Variants in PHC2 observed in about 807,000 individuals in gnomAD.
PHC2 encodes polyhomeotic-like protein 2.
Under a neutral mutation model 87.4 loss-of-function variants are expected in PHC2, and 29 were observed. The ratio of observed to expected loss-of-function variants is 0.33; its 90% CI spans 0.25 to 0.45. The LOEUF is 0.45. Among genes scored for constraint, PHC2 ranks in the 20% least tolerant of loss-of-function variants. The pLI is 1.00. For missense variants in PHC2, 857 were observed against 1,136.7 expected, an observed-to-expected ratio of 0.75 and a Z score of 3.54; for synonymous variants, 438 against 461.7, an observed-to-expected ratio of 0.95 and a Z score of 0.66.
intron 1 of PHC2, among the ~76,000 whole-genome samples, chr1:33,413,015 G>A (rs890486343): frequency 5.9e-5 from 9 of 152,242 alleles, no homozygotes; most frequent in Admixed American, 1.3e-4. Context: ...CACCCAGGCT[G>A]GAGTGCAGTG....
chr1:33,363,018 C>A (rs1350859461), intron 7 of PHC2: 1 of 152,200 alleles, frequency 6.6e-6, no homozygotes, highest in Non-Finnish European at 1.5e-5. Flanking sequence ...GCATTTAGTG[C>A]AGTATGTGGA....
chr1:33,390,172 C>T (rs1367351071), intron 1 of PHC2, among the ~76,000 whole-genome samples: 3 of 152,126 alleles, frequency 2.0e-5, no homozygotes, highest in East Asian at 1.9e-4. Flanking sequence ...AGGTGGAATT[C>T]GTGCAGCATC....
chr1:33,326,337 A>G (rs750943588), intron 14 of PHC2: 2 of 159,958 alleles, frequency 1.3e-5, no homozygotes, highest in Non-Finnish European at 2.8e-5. Flanking sequence ...CACGGTCTAC[A>G]GATTAAACTT....
At chr1:33,412,604 CA>C (rs1650028319) in intron 1 of PHC2, among the ~76,000 whole-genome samples, 1 of 152,198 alleles carries the variant, frequency 6.6e-6, no homozygotes, top group South Asian at 2.1e-4. Flanking sequence ...CAGGCCAGCA[CA>C]TTTCACACTG....
At chr1:33,394,380 T>A (rs552992011) in intron 1 of PHC2, among the ~76,000 whole-genome samples, 1 of 152,240 alleles carries the variant, frequency 6.6e-6, no homozygotes, top group African/African-American at 2.4e-5. Flanking sequence ...CTTTTTGCAC[T>A]TATCATAGGC....
chr1:33,325,216 C>T (rs561191752), intron 14 of PHC2, 197 bp from the exon 15 acceptor site: 8 of 563,504 alleles, frequency 1.4e-5, no homozygotes, highest in East Asian at 1.2e-4. Flanking sequence ...ACAGCAGCCG[C>T]GATCTGGGCC....
chr1:33,404,688 G>C (rs1035549396), intron 1 of PHC2, among the ~76,000 whole-genome samples: 1 of 152,306 alleles, frequency 6.6e-6, no homozygotes, highest in Non-Finnish European at 1.5e-5. Flanking sequence ...CTCTGGGATA[G>C]AGTGATGAGC....
rs913173625 is a variant in PHC2 at position 33,331,428 on chromosome 1, C to T, written c.1926G>A (p.Lys642=). ...AGTCCACCCGGCCACAGAGCTCACA[C>T]TTGAGTTTGAGGGGAGCACCCTCCT... is the stretch of plus-strand genomic sequence containing the variant. ...SKEEGAPLKL[K]CELCGRVDFA... Residue 642 remains lysine, a synonymous_variant, in exon 12 of 15, where the codon AAG becomes AAA. Coordinates refer to ENST00000683057, the MANE Select transcript of PHC2 (RefSeq NM_001385109.1). The surrounding 1 kb of genome is among the most constrained non-coding windows in gnomAD (Gnocchi z 5.2). 1.2e-6 allele frequency: 2 copies of T among 1,612,306 alleles called. No homozygotes were observed. The highest frequency in any genetic ancestry group is 1.7e-6 in the Non-Finnish European group (2 of 1,178,614).
chr1:33,397,675 G>A (rs1480893198), intron 1 of PHC2, among the ~76,000 whole-genome samples: 2 of 151,990 alleles, frequency 1.3e-5, no homozygotes, highest in African/African-American at 4.8e-5. Context: ...GGTCTCAGTG[G>A]GTGATTTTGG....
chr1:33,375,528 C>T lies in PHC2; in HGVS notation c.12G>A (p.Glu4=). Residue 4 remains glutamate (E), a synonymous_variant, in exon 2 of 15, where the codon GAG becomes GAA. Transcript: ENST00000683057. The stretch of plus-strand genomic sequence containing the variant: ...TGCTAGATGTATGTGGGACTGGCAG[C>T]TCATTCTCCATGGCCTGCAGTGTGG... MEN[E]LPVPHTSSSA... 6.3e-7 allele frequency: 1 copy of T among 1,583,308 alleles called. No homozygotes were observed.
At chr1:33,358,239 T>A (rs1647130140) in intron 7 of PHC2, among the ~76,000 whole-genome samples, 2 of 152,152 alleles carry the variant, frequency 1.3e-5, no homozygotes, top group Non-Finnish European at 1.5e-5. Context: ...CCCAAAAGAC[T>A]GGGAAAGGGG....
Position 33,334,025 on chromosome 1 carries a change from A to G in PHC2, c.1761+65T>C. ...TTTCAGAAATTTTACATGGAAATGT[A>G]AAAATATTCTAAGACACATCCAAAA... On this transcript the variant is annotated intron_variant, in intron 10 of 14. Transcript: ENST00000683057. The surrounding 1 kb of genome is among the most constrained non-coding windows in gnomAD (Gnocchi z 5.5). 1 of 1,389,782 alleles carries G rather than the reference A, an allele frequency of 7.2e-7. No individual in the cohort carries two copies. Among genetic ancestry groups the G allele is most frequent in the East Asian group, 2.3e-5 (1 of 43,546 alleles). 86.1% of individuals were successfully genotyped at this position (1,389,782 alleles called of 1,614,324 possible). A position where few individuals can be genotyped will look rare whatever the true frequency, so the allele number is the denominator to read the frequency against.
chr1:33,362,385 G>A (rs887449214), intron 7 of PHC2, among the ~76,000 whole-genome samples: 2 of 152,138 alleles, frequency 1.3e-5, no homozygotes, highest in Non-Finnish European at 2.9e-5. Context: ...TTTCCAGAGA[G>A]GAAGATGCAT....
chr1:33,365,485 G>C (rs1647397606), intron 7 of PHC2, among the ~76,000 whole-genome samples: 1 of 152,214 alleles, frequency 6.6e-6, no homozygotes, highest in African/African-American at 2.4e-5. Context: ...TGGTCCGCCA[G>C]GGCATGCGGA....
intron 9 of PHC2, among the ~76,000 whole-genome samples, chr1:33,353,635 T>C (rs942843055): frequency 2.0e-5 from 3 of 152,144 alleles, no homozygotes; most frequent in African/African-American, 7.2e-5. Context: ...TCTTTCCTGT[T>C]CCCCGCCCCT....
chr1:33,417,996 A>G (rs919758562), intron 1 of PHC2, among the ~76,000 whole-genome samples: 3 of 152,160 alleles, frequency 2.0e-5, no homozygotes, highest in Admixed American at 2.0e-4. Context: ...CAAAGAAGAA[A>G]TCCTAAGGAA....
At chr1:33,354,147 T>G (rs142096843) in intron 9 of PHC2, among the ~76,000 whole-genome samples, 41 of 152,352 alleles carry the variant, frequency 2.7e-4, no homozygotes, top group Non-Finnish European at 5.1e-4. Context: ...ACCAGTGACA[T>G]GCAGGTAGGC....
At chr1:33,370,155 A>G (rs886964444) in intron 5 of PHC2, among the ~76,000 whole-genome samples, 2 of 152,226 alleles carry the variant, frequency 1.3e-5, no homozygotes, top group Non-Finnish European at 2.9e-5. Context: ...ATAAGGGGAC[A>G]CTTCTGTTTC....
intron 1 of PHC2, among the ~76,000 whole-genome samples, chr1:33,379,142 C>T (rs1239472188): frequency 6.6e-6 from 1 of 151,838 alleles, no homozygotes; most frequent in Non-Finnish European, 1.5e-5. Context: ...ACAGCCACTG[C>T]TCCCCATGCA....
Sources: allele counts gnomAD v4.1 joint callset (sites outside exome capture counted in the v4.1 genomes callset), GRCh38; gene constraint gnomAD v4.1.1; non-coding constraint Gnocchi (gnomAD v3.1); transcripts MANE v1.5; gene names NCBI Gene and HGNC (gene_info 2026-07-23, HGNC 2026-07-21).